SCHIP1: variants seen among roughly 807,000 people sequenced by gnomAD.
SCHIP1 encodes schwannomin-interacting protein 1.
SCHIP1 carries 8 observed loss-of-function variants against 29.7 expected under a neutral mutation model. The observed-to-expected ratio is 0.27, with a 90% CI of 0.16 to 0.49. The LOEUF is 0.49. SCHIP1 is among the 20% of genes least tolerant of loss of function. The pLI, the probability that SCHIP1 is intolerant of heterozygous loss-of-function variation, is 0.99. For missense variants in SCHIP1, 193 were observed against 294.6 expected (o/e 0.66, Z 2.52); for synonymous variants, 76 against 94.9 (o/e 0.80, Z 1.16).
chr3:159,553,289 GA>G, the SCHIP1 span, among the ~76,000 whole-genome samples: 4 of 149,424 alleles, frequency 2.7e-5, no homozygotes, highest in Admixed American at 2.0e-4. Context: ...ACATGGAAAA[GA>G]AAAAAAACTG....
chr3:159,293,561 G>C, the SCHIP1 span, among the ~76,000 whole-genome samples: 2 of 152,172 alleles, frequency 1.3e-5, no homozygotes, highest in Non-Finnish European at 2.9e-5. Context: ...CTGCAATTCT[G>C]ATAGGTCACT....
At chr3:159,894,954 A>G (rs531137341) in intron 6 of SCHIP1, among the ~76,000 whole-genome samples, 2 of 152,264 alleles carry the variant, frequency 1.3e-5, no homozygotes, top group East Asian at 3.9e-4. Flanking sequence ...CTTTTGATGT[A>G]TGTGCGTGCA....
chr3:159,889,659 T>G (rs1315993149), intron 5 of SCHIP1, among the ~76,000 whole-genome samples: 1 of 152,190 alleles, frequency 6.6e-6, no homozygotes, highest in Non-Finnish European at 1.5e-5. Context: ...TCAAGAGATA[T>G]GCCAAACAAA....
the SCHIP1 span, among the ~76,000 whole-genome samples, chr3:159,647,017 T>C: frequency 6.6e-6 from 1 of 151,850 alleles, no homozygotes; most frequent in Non-Finnish European, 1.5e-5. Context: ...TGGAAGATAA[T>C]GGTGTGTGGT....
the SCHIP1 span, among the ~76,000 whole-genome samples, chr3:159,516,149 C>T: frequency 6.6e-6 from 1 of 152,138 alleles, no homozygotes; most frequent in Non-Finnish European, 1.5e-5. Context: ...TGGGTGATTT[C>T]AGGCTATACT....
the SCHIP1 span, among the ~76,000 whole-genome samples, chr3:159,733,425 T>C: frequency 6.6e-6 from 1 of 152,184 alleles, no homozygotes; most frequent in Non-Finnish European, 1.5e-5. Flanking sequence ...ATGGTCATTT[T>C]ACGTAATATC....
chr3:159,489,295 C>G, the SCHIP1 span, among the ~76,000 whole-genome samples: 3 of 152,222 alleles, frequency 2.0e-5, no homozygotes, highest in Admixed American at 2.0e-4. Flanking sequence ...TAAATTAGAC[C>G]ACTAAGCCAG....
the SCHIP1 span, among the ~76,000 whole-genome samples, chr3:159,294,982 C>T: frequency 1.3e-5 from 2 of 151,974 alleles, no homozygotes; most frequent in Non-Finnish European, 2.9e-5. Context: ...GAGTCCTTAC[C>T]TCATTACAAT....
intron 2 of SCHIP1, among the ~76,000 whole-genome samples, chr3:159,879,855 A>G (rs1220626664): frequency 6.6e-6 from 1 of 152,178 alleles, no homozygotes; most frequent in Non-Finnish European, 1.5e-5. Context: ...CTCCAAAGAA[A>G]AGCTGGTGAG....
the SCHIP1 span, among the ~76,000 whole-genome samples, chr3:159,410,211 G>A: frequency 2.0e-5 from 3 of 152,004 alleles, no homozygotes; most frequent in Admixed American, 2.0e-4. Flanking sequence ...CAAGACATTA[G>A]ACTGAGCAAA....
the SCHIP1 span, among the ~76,000 whole-genome samples, chr3:159,624,294 C>T: frequency 3.5e-4 from 54 of 152,276 alleles, no homozygotes; most frequent in African/African-American, 9.6e-4. Context: ...TAACCTGTGA[C>T]GCCAAGACCA....
chr3:159,343,886 G>A, the SCHIP1 span, among the ~76,000 whole-genome samples: 1 of 151,958 alleles, frequency 6.6e-6, no homozygotes, highest in Non-Finnish European at 1.5e-5. Flanking sequence ...ATCAAGTAGT[G>A]TTTCTGTTTT....
At chr3:159,784,761 C>T in the SCHIP1 span, among the ~76,000 whole-genome samples, 2 of 152,226 alleles carry the variant, frequency 1.3e-5, no homozygotes, top group African/African-American at 2.4e-5. Context: ...TCAAGCAATT[C>T]TCCTGCCCCA....
the SCHIP1 span, among the ~76,000 whole-genome samples, chr3:159,330,568 T>C: frequency 6.6e-6 from 1 of 152,244 alleles, no homozygotes; most frequent in Non-Finnish European, 1.5e-5. Flanking sequence ...AAATGACAGA[T>C]ACTGATATGT....
the SCHIP1 span, among the ~76,000 whole-genome samples, chr3:159,393,551 C>T: frequency 5.3e-5 from 8 of 151,460 alleles, no homozygotes; most frequent in Admixed American, 5.3e-4. Flanking sequence ...GTTTTCCCAG[C>T]ACCATTTATT....
chr3:159,820,059 G>A, the SCHIP1 span, among the ~76,000 whole-genome samples: 1 of 152,146 alleles, frequency 6.6e-6, no homozygotes, highest in Non-Finnish European at 1.5e-5. Flanking sequence ...CAGTTTTTTG[G>A]GGGGATCACA....
chr3:159,451,488 T>C, the SCHIP1 span, among the ~76,000 whole-genome samples: 2 of 152,250 alleles, frequency 1.3e-5, no homozygotes, highest in South Asian at 2.1e-4. Flanking sequence ...AAACAGTCAA[T>C]TAGAAAAACA....
the SCHIP1 span, among the ~76,000 whole-genome samples, chr3:159,357,645 T>A: frequency 6.6e-6 from 1 of 152,222 alleles, no homozygotes; most frequent in Non-Finnish European, 1.5e-5. Context: ...GTTTTTAGAG[T>A]CACCATATTT....
At chr3:159,467,914 C>T in the SCHIP1 span, among the ~76,000 whole-genome samples, 2 of 152,100 alleles carry the variant, frequency 1.3e-5, no homozygotes, top group African/African-American at 4.8e-5. Context: ...CCTTTCCTCT[C>T]ATTTCTTCTT....
Sources: allele counts gnomAD v4.1 joint callset (sites outside exome capture counted in the v4.1 genomes callset), GRCh38; gene constraint gnomAD v4.1.1; transcripts MANE v1.5; gene names NCBI Gene and HGNC (gene_info 2026-07-23, HGNC 2026-07-21).